The following HCRTR2 variants were observed in gnomAD, a reference collection of about 807,000 sequenced individuals.
HCRTR2 encodes hypocretin receptor 2.
A neutral mutation model predicts 49.0 loss-of-function variants in HCRTR2; 22 were observed. That is an observed-to-expected ratio of 0.45 (90% CI 0.32 to 0.64). The LOEUF is 0.64. HCRTR2 is among the 30% of genes least tolerant of loss of function. The probability of loss-of-function intolerance (pLI) is 0.04; values close to 1 mark genes in which losing one functional copy is unlikely to be tolerated. For synonymous variants in HCRTR2, 236 were observed against 205.3 expected (o/e 1.15, Z -1.28); for missense variants, 491 against 559.4 (o/e 0.88, Z 1.23).
intron 5 of HCRTR2, among the ~76,000 whole-genome samples, chr6:55,278,352 C>G (rs568807148): frequency 6.6e-6 from 1 of 152,252 alleles, no homozygotes; most frequent in East Asian, 1.9e-4. Flanking sequence ...AAGGCAATAC[C>G]AATTCTTGTT....
intron 1 of HCRTR2, among the ~76,000 whole-genome samples, chr6:55,108,181 C>CT (rs1016915102): frequency 5.9e-5 from 9 of 152,138 alleles, no homozygotes; most frequent in African/African-American, 1.9e-4. Context: ...CTGAAGGCAA[C>CT]TTTTTTTATT....
upstream of HCRTR2, among the ~76,000 whole-genome samples, chr6:55,172,666 T>A (rs1427277366): frequency 6.6e-6 from 1 of 152,190 alleles, no homozygotes; most frequent in East Asian, 1.9e-4. Context: ...TGCTGATTAA[T>A]CCATTTATCT....
At chr6:55,151,991 C>T (rs1354871267) in intron 1 of HCRTR2, among the ~76,000 whole-genome samples, 3 of 151,842 alleles carry the variant, frequency 2.0e-5, no homozygotes, top group Admixed American at 2.0e-4. Context: ...CAAAAATGGG[C>T]TTAAATTATT....
intron 1 of HCRTR2, among the ~76,000 whole-genome samples, chr6:55,132,522 T>C (rs762068826): frequency 6.6e-6 from 1 of 151,868 alleles, no homozygotes; most frequent in Non-Finnish European, 1.5e-5. Context: ...ACAATTAGCC[T>C]CAAGAACAGA....
At chr6:55,278,642 G>C (rs1767125936) in intron 5 of HCRTR2, among the ~76,000 whole-genome samples, 1 of 151,424 alleles carries the variant, frequency 6.6e-6, no homozygotes, top group Non-Finnish European at 1.5e-5. Flanking sequence ...TTTTTTTGTG[G>C]CCTGGGTCCT....
At position 55,224,780 on chromosome 6, in the gene HCRTR2, C is replaced by T. The variant is rs558977405; in HGVS notation, c.224-23859C>T. Among the ~76,000 whole-genome samples the T allele has an allele frequency of 1.4e-3, 206 of 152,198 alleles. 8 individuals carry two copies. In the South Asian group the frequency reaches 0.039, roughly 29 times the overall value. On this transcript the variant is annotated intron_variant, in intron 1 of 6. Transcript: ENST00000370862. ...GTCAGGCACAAATACTTAATGATCT[C>T]GCTTATATGTGAAATCTAAAAAAGT...
chr6:55,234,990 C>A (rs1766187632), intron 1 of HCRTR2, among the ~76,000 whole-genome samples: 1 of 152,068 alleles, frequency 6.6e-6, no homozygotes, highest in Non-Finnish European at 1.5e-5. Context: ...TAATCACACA[C>A]TGGAATGAAA....
chr6:55,117,656 C>T (rs908535019), intron 1 of HCRTR2, among the ~76,000 whole-genome samples: 8 of 151,072 alleles, frequency 5.3e-5, no homozygotes, highest in Non-Finnish European at 7.4e-5. Flanking sequence ...AGCAATTGCA[C>T]CTGTTGTAAT....
chr6:55,174,405 C>A (rs539937395), upstream of HCRTR2: 10 of 649,152 alleles, frequency 1.5e-5, 1 homozygote, highest in South Asian at 1.7e-4. Flanking sequence ...ACAGCAAAGC[C>A]ACCGCAGAAG....
At chr6:55,243,156 T>C (rs995618438) in intron 1 of HCRTR2, among the ~76,000 whole-genome samples, 1 of 152,134 alleles carries the variant, frequency 6.6e-6, no homozygotes, top group African/African-American at 2.4e-5. Flanking sequence ...TTGGCACCTC[T>C]GCATTTCAAA....
chr6:55,188,429 T>G (rs1765261870), intron 1 of HCRTR2, among the ~76,000 whole-genome samples: 2 of 152,200 alleles, frequency 1.3e-5, no homozygotes, highest in Admixed American at 6.5e-5. Context: ...TAGAAATATA[T>G]GCAGATTGTT....
intron 1 of HCRTR2, among the ~76,000 whole-genome samples, chr6:55,130,880 T>G (rs1764346656): frequency 6.6e-6 from 1 of 151,938 alleles, no homozygotes. Flanking sequence ...CATCTCTGGC[T>G]TGGGCAAATC....
chr6:55,190,381 T>G (rs1765295899), intron 1 of HCRTR2, among the ~76,000 whole-genome samples: 1 of 152,128 alleles, frequency 6.6e-6, no homozygotes, highest in Non-Finnish European at 1.5e-5. Flanking sequence ...TGCCATTTAC[T>G]GAGATACAGG....
chr6:55,276,061 A>G (rs1319806680), intron 4 of HCRTR2, among the ~76,000 whole-genome samples: 1 of 152,244 alleles, frequency 6.6e-6, no homozygotes, highest in East Asian at 1.9e-4. Flanking sequence ...CATTCTTTTC[A>G]GTTATTTTTT....
intron 1 of HCRTR2, among the ~76,000 whole-genome samples, chr6:55,127,405 C>T (rs1460736096): frequency 2.0e-5 from 3 of 152,076 alleles, no homozygotes. Context: ...CATTCACTGT[C>T]CAACCTGCCC....
rs374543516 is a variant in HCRTR2, at chr6:55,216,512, G to A, written c.224-32127G>A. On this transcript the variant is annotated intron_variant, in intron 1 of 6. Transcript: ENST00000370862. ...GGAATAAGACAGACATTCCCTTGTC[G>A]AAAGGGAAAATAAACTAGAAGAAGG... Among the ~76,000 whole-genome samples, 5 of 152,152 alleles carry A rather than the reference G, an allele frequency of 3.3e-5. No homozygotes were observed. The South Asian group carries it at 6.2e-4, about 19-fold the overall frequency.
intron 2 of HCRTR2, among the ~76,000 whole-genome samples, chr6:55,250,781 C>T (rs1411279825): frequency 6.6e-6 from 1 of 152,122 alleles, no homozygotes; most frequent in Non-Finnish European, 1.5e-5. Context: ...ATATCCTCAT[C>T]TCTGGAAGGA....
At chr6:55,143,610 A>C (rs1344736141) in intron 1 of HCRTR2, among the ~76,000 whole-genome samples, 2 of 152,244 alleles carry the variant, frequency 1.3e-5, no homozygotes, top group East Asian at 3.8e-4. Context: ...CATTTTTATT[A>C]TAATAATAGC....
intron 1 of HCRTR2, among the ~76,000 whole-genome samples, chr6:55,232,725 CT>C (rs1296076523): frequency 6.6e-6 from 1 of 152,104 alleles, no homozygotes; most frequent in African/African-American, 2.4e-5. Flanking sequence ...ATGTTCCAAG[CT>C]TTGTGACAAC....
Sources: gnomAD v4.1 joint callset for allele counts (sites outside exome capture counted in the v4.1 genomes callset) on GRCh38, gnomAD v4.1.1 for gene constraint, MANE v1.5 for transcripts, NCBI Gene and HGNC (gene_info 2026-07-23, HGNC 2026-07-21) for gene names.